Variants in MEGF8 observed in about 807,000 individuals in gnomAD.
MEGF8 encodes multiple epidermal growth factor-like domains protein 8.
A neutral mutation model predicts 302.9 loss-of-function variants in MEGF8; 156 were observed. The observed-to-expected ratio is 0.52, with a 90% CI of 0.45 to 0.59. The LOEUF (loss-of-function observed/expected upper bound fraction) is 0.59. Among genes scored for constraint, MEGF8 ranks in the 20% least tolerant of loss-of-function variants. The pLI is 0.00. For synonymous variants in MEGF8, 1,621 were observed against 1,660.5 expected, an observed-to-expected ratio of 0.98 and a Z score of 0.58; for missense variants, 3,345 against 3,964.5, an observed-to-expected ratio of 0.84 and a Z score of 4.20.
chr19:42,343,900 A>G, intron 9 of MEGF8, 54 bp from the exon 10 acceptor site: 1 of 1,584,058 alleles, frequency 6.3e-7, no homozygotes. Context: ...CAGGTCTGAG[A>G]GGCCTCCTCC....
At position 42,362,402 on chromosome 19, in the gene MEGF8, A is replaced by G; in HGVS notation, c.5863A>G (p.Lys1955Glu). The G allele has an allele frequency of 6.2e-7, 1 of 1,613,886 alleles. No homozygotes were observed. The highest frequency in any genetic ancestry group is 8.5e-7 in the Non-Finnish European group (1 of 1,179,858). ...GDGEASTPRC[K>E]WCTNCPEGAC... Reference sequence around the variant, plus strand: ...TCACCAGGCGTCCACCCCCCGCTGTAAGTGGTGTACCAACTGCCCCGAAGG... The same window carrying G: ...TCACCAGGCGTCCACCCCCCGCTGTGAGTGGTGTACCAACTGCCCCGAAGG... The change falls in exon 34 of 42, where the codon AAG (lysine) becomes GAG (glutamate). Residue 1955 changes from lysine (K) to glutamate (E), a missense_variant. Lys to Glu is a moderately conservative substitution (Grantham distance 56). Transcript: ENST00000251268.
Position 42,377,013 on chromosome 19 carries a change from C to T in MEGF8, c.*238C>T, listed in dbSNP as rs750840417. 2.2e-6 allele frequency: 1 copy of T among 448,438 alleles called. No homozygotes were observed. Among genetic ancestry groups the T allele is most frequent in the Non-Finnish European group, 3.8e-6 (1 of 259,910 alleles). 27.8% of individuals were successfully genotyped at this position (448,438 alleles called of 1,614,324 possible). On this transcript the variant is annotated 3_prime_UTR_variant, in exon 42 of 42. Transcript: ENST00000251268. Reference sequence around the variant, plus strand: ...AAAGCAGGAACCAAGAGACGAGGTTCCCTGATCTCATGGGACTTAGGTTCT... The same window carrying T: ...AAAGCAGGAACCAAGAGACGAGGTTTCCTGATCTCATGGGACTTAGGTTCT...
rs1429948175 is a variant in MEGF8 at position 42,358,135 on chromosome 19, C to T, written c.5012-9C>T. The T allele has an allele frequency of 3.8e-6, 6 of 1,560,852 alleles. No individual in the cohort carries two copies. The highest frequency in any genetic ancestry group is 3.9e-5 in the Admixed American group (2 of 51,192). ...CCCTCCCCCAGCCTGTCACCCTGCCCCTCACCAGGTCTCTATGGTCACTCT... is the reference window on the plus strand; with the variant it reads ...CCCTCCCCCAGCCTGTCACCCTGCCTCTCACCAGGTCTCTATGGTCACTCT... On this transcript the variant is annotated splice_polypyrimidine_tract_variant and intron_variant, in intron 28 of 41. Coordinates refer to ENST00000251268, the MANE Select transcript of MEGF8 (RefSeq NM_001271938.2). The surrounding 1 kb of genome is among the most constrained non-coding windows in gnomAD (Gnocchi z 4.4).
rs1183003484 is a variant in MEGF8, at chr19:42,350,206, C to T, written c.2558C>T (p.Ser853Phe). ...YRSSSCTSYS[S>F]CLGCLADQGC... The stretch of plus-strand genomic sequence containing the variant: ...TCGTCGTCCTGCACCTCCTATTCTT[C>T]CTGCCTGGGCTGCTTGGCAGACCAG... Residue 853 changes from serine (S) to phenylalanine (F), a missense_variant, in exon 15 of 42, where the codon TCC (serine) becomes TTC (phenylalanine). Transcript: ENST00000251268. 1 of 1,613,690 alleles carries T rather than the reference C, an allele frequency of 6.2e-7. No individual in the cohort carries two copies. Among genetic ancestry groups the T allele is most frequent in the Non-Finnish European group, 8.5e-7 (1 of 1,179,858 alleles).
At chr19:42,333,142 A>G (rs905778896) in intron 1 of MEGF8, among the ~76,000 whole-genome samples, 1 of 152,148 alleles carries the variant, frequency 6.6e-6, no homozygotes, top group Non-Finnish European at 1.5e-5. Flanking sequence ...TTGCAGCTCT[A>G]TTCAGCGTGG....
intron 8 of MEGF8, among the ~76,000 whole-genome samples, chr19:42,342,924 T>G (rs556831439): frequency 6.6e-6 from 1 of 152,246 alleles, no homozygotes; most frequent in Non-Finnish European, 1.5e-5. Flanking sequence ...GGGCCTGGGC[T>G]AAGGCCTCAC....
At chr19:42,355,731 AC>A (rs1357593419) in intron 23 of MEGF8, 26 bp from the exon 24 acceptor site, 1 of 1,540,152 alleles carries the variant, frequency 6.5e-7, no homozygotes, top group South Asian at 1.2e-5. Flanking sequence ...TGACTTTGCT[AC>A]CAGCCTCTGG....
chr19:42,362,725 G>A, intron 34 of MEGF8, 128 bp downstream of exon 34: 3 of 1,115,292 alleles, frequency 2.7e-6, no homozygotes, highest in Non-Finnish European at 3.9e-6. Flanking sequence ...GGACTCCTGG[G>A]TCTGAGGGAG....
At chr19:42,333,563 A>AGGTCC in intron 1 of MEGF8, 42 bp from the exon 2 acceptor site, 2 of 1,586,284 alleles carry the variant, frequency 1.3e-6, no homozygotes, top group Non-Finnish European at 1.7e-6. Flanking sequence ...TGTGGGGAGA[A>AGGTCC]GGTCCGCTTT....
chr19:42,330,755 A>G (rs2039044781), intron 1 of MEGF8, among the ~76,000 whole-genome samples: 1 of 152,162 alleles, frequency 6.6e-6, no homozygotes, highest in African/African-American at 2.4e-5. Context: ...TTCCTGGCCC[A>G]GAGGAATGAA....
At chr19:42,334,658 C>T (rs1377479439) in intron 3 of MEGF8, among the ~76,000 whole-genome samples, 4 of 152,216 alleles carry the variant, frequency 2.6e-5, no homozygotes, top group Admixed American at 2.6e-4. Flanking sequence ...TGAGCTCTTT[C>T]AGTCCAGGCT....
intron 38 of MEGF8, 62 bp from the exon 39 acceptor site, chr19:42,370,127 C>G: frequency 6.5e-7 from 1 of 1,538,046 alleles, no homozygotes; most frequent in South Asian, 1.2e-5. Context: ...CCTGTGCCCC[C>G]AACGCCCTCC....
chr19:42,341,835 TA>T lies in MEGF8; in HGVS notation c.1514-1639del, dbSNP rs147311599. On this transcript the variant is annotated intron_variant, in intron 8 of 41. Coordinates refer to ENST00000251268, the MANE Select transcript of MEGF8 (RefSeq NM_001271938.2). ...ATATGGAGAAACCTTTCACTCTCATTAAATCAGACACTGCTTTGAAATCGGA... is the reference window on the plus strand; with the variant it reads ...ATATGGAGAAACCTTTCACTCTCATTAATCAGACACTGCTTTGAAATCGGA... Among the ~76,000 whole-genome samples the T allele has an allele frequency of 4.7e-3, 723 of 152,288 alleles. 10 individuals carry two copies. The highest frequency in any genetic ancestry group is 0.017 in the African/African-American group (688 of 41,560).
chr19:42,347,590 T>G (rs1416788461), intron 12 of MEGF8, among the ~76,000 whole-genome samples: 1 of 152,136 alleles, frequency 6.6e-6, no homozygotes, highest in Non-Finnish European at 1.5e-5. Context: ...CCTCCCGGGT[T>G]TGAACGATTC....
intron 40 of MEGF8, among the ~76,000 whole-genome samples, chr19:42,371,064 G>GCGC (rs373560402): frequency 1.3e-5 from 2 of 151,946 alleles, no homozygotes; most frequent in Non-Finnish European, 2.9e-5. Context: ...CCACAGAGCG[G>GCGC]CCCCATCGAG....
Position 42,352,142 on chromosome 19 carries a change from C to CA in MEGF8, c.3102-65dup. The CA allele has an allele frequency of 6.9e-7, 1 of 1,452,184 alleles. No individual in the cohort carries two copies. Among genetic ancestry groups the CA allele is most frequent in the Non-Finnish European group, 9.1e-7 (1 of 1,097,092 alleles). 90.0% of individuals were successfully genotyped at this position (1,452,184 alleles called of 1,614,324 possible). On this transcript the variant is annotated intron_variant, in intron 18 of 41. Transcript: ENST00000251268. This position sits in a 1 kb window ranked among gnomAD's most constrained non-coding sequence, Gnocchi z 4.4. ...TCCAATTGGCCTCCTCTCTCCCTGT[C>CA]ATTGTTTCTATGTATGGCTCCTGTT...
In MEGF8 at chr19:42,336,132, G is replaced by T; in HGVS notation, c.1030G>T (p.Asp344Tyr). The T allele has an allele frequency of 6.2e-7, 1 of 1,608,972 alleles. No individual in the cohort carries two copies. The highest frequency in any genetic ancestry group is 8.5e-7 in the Non-Finnish European group (1 of 1,179,020). ...AGGTCACGCGGCTGCCCTGGTGGAT[G>T]ATGTCTGGCTATATGTGTCTGGAGG... ...LAGHAAALVD[D>Y]VWLYVSGGRT... Residue 344 changes from aspartate (D) to tyrosine (Y), a missense_variant, in exon 6 of 42, where the codon GAT (aspartate) becomes TAT (tyrosine). Transcript: ENST00000251268. This position sits in a 1 kb window ranked among gnomAD's most constrained non-coding sequence, Gnocchi z 4.8.
intron 35 of MEGF8, among the ~76,000 whole-genome samples, chr19:42,367,836 CT>C (rs1003399733): frequency 1.3e-5 from 2 of 152,200 alleles, no homozygotes; most frequent in African/African-American, 2.4e-5. Flanking sequence ...GCAGCCTGCT[CT>C]TTTCCTGCCT....
In MEGF8 at chr19:42,356,524, C is replaced by G. The variant is rs1000469972; in HGVS notation, c.4622+71C>G. 1.8e-4 allele frequency: 215 copies of G among 1,226,040 alleles called. No individual in the cohort carries two copies. Among genetic ancestry groups the G allele is most frequent in the Non-Finnish European group, 2.2e-4 (198 of 894,542 alleles). The allele number at this position is 1,226,040 out of a possible 1,614,324, so 75.9% of individuals were successfully genotyped here. A position where few individuals can be genotyped will look rare whatever the true frequency, so the allele number is the denominator to read the frequency against. ...CACCTCGGGATGCTAAGAGTCACCT[C>G]AGAGGAGTGCAGAAAAGCCTCTAAG... is the stretch of plus-strand genomic sequence containing the variant. On this transcript the variant is annotated intron_variant, in intron 26 of 41. Transcript: ENST00000251268. The surrounding 1 kb of genome is among the most constrained non-coding windows in gnomAD (Gnocchi z 5.2).
Sources: gnomAD v4.1 joint callset for allele counts (sites outside exome capture counted in the v4.1 genomes callset) on GRCh38, gnomAD v4.1.1 for gene constraint, Gnocchi (gnomAD v3.1) non-coding constraint, MANE v1.5 for transcripts, NCBI Gene and HGNC (gene_info 2026-07-23, HGNC 2026-07-21) for gene names.